Variants in PPP1R3B observed in about 807,000 individuals in gnomAD.
PPP1R3B encodes PP1 subunit R4.
In PPP1R3B, 8 loss-of-function variants were observed where a neutral mutation model predicts 14.6. The ratio of observed to expected loss-of-function variants is 0.55; its 90% CI spans 0.32 to 0.99. PPP1R3B has a LOEUF of 0.99. PPP1R3B is among the 50% of genes least tolerant of loss of function. The probability of loss-of-function intolerance (pLI) is 0.04; values close to 1 mark genes in which losing one functional copy is unlikely to be tolerated. For missense variants in PPP1R3B, 452 were observed against 360.1 expected, an observed-to-expected ratio of 1.26 and a Z score of -2.07; for synonymous variants, 169 against 142.0, an observed-to-expected ratio of 1.19 and a Z score of -1.35.
At position 9,141,622 on chromosome 8, in the gene PPP1R3B, G is replaced by GT; in HGVS notation, c.29dup (p.Tyr10Ter). The GT allele has an allele frequency of 6.2e-7, 1 of 1,613,892 alleles. No homozygotes were observed. Among genetic ancestry groups the GT allele is most frequent in the Non-Finnish European group, 8.5e-7 (1 of 1,179,992 alleles). Reference sequence around the variant, plus strand: ...GGCGCAAGGAAGGAGCCATGCAGTTGTATCTGTACTCGATGTCCACAGCCA... The same window carrying GT: ...GGCGCAAGGAAGGAGCCATGCAGTTGTTATCTGTACTCGATGTCCACAGCCA... MMAVDIEYR[Y>*]NCMAPSLRQE... The change falls in exon 2 of 2, where the codon TAC becomes TAAC. Residue 10 changes from tyrosine (Y) to a stop codon, truncating the protein, a stop_gained and frameshift_variant. Transcript: ENST00000310455. LOFTEE classifies it high-confidence loss of function.
chr8:9,149,277 G>GATCA, intron 1 of PPP1R3B, among the ~76,000 whole-genome samples: 1 of 150,460 alleles, frequency 6.6e-6, no homozygotes, highest in Middle Eastern at 3.5e-3. Flanking sequence ...GAGGCGGGCA[G>GATCA]ATCACGAGGT....
intron 1 of PPP1R3B, among the ~76,000 whole-genome samples, chr8:9,146,221 C>T (rs558191461): frequency 3.3e-5 from 5 of 152,180 alleles, no homozygotes; most frequent in East Asian, 3.9e-4. Context: ...AAATGAGTGC[C>T]GAAACTAGGA....
intron 1 of PPP1R3B, among the ~76,000 whole-genome samples, chr8:9,147,678 C>G (rs1391715564): frequency 2.0e-5 from 3 of 151,914 alleles, no homozygotes; most frequent in African/African-American, 7.3e-5. Context: ...TTCACTGTTT[C>G]ACCCCAGTGG....
chr8:9,142,984 T>G (rs1484519119), intron 1 of PPP1R3B, among the ~76,000 whole-genome samples: 2 of 152,176 alleles, frequency 1.3e-5, no homozygotes, highest in Non-Finnish European at 2.9e-5. Flanking sequence ...TACAGATAAC[T>G]CTCCGATACA....
chr8:9,144,749 T>G (rs922617196), intron 1 of PPP1R3B, among the ~76,000 whole-genome samples: 2 of 152,034 alleles, frequency 1.3e-5, no homozygotes, highest in Admixed American at 1.3e-4. Context: ...ACTGTTGTTA[T>G]TTTTTCCTTT....
In PPP1R3B at chr8:9,140,597, G is replaced by A. The variant is rs900140125; in HGVS notation, c.*197C>T. ...GCGCCAGCCACCACTGCTCCTTTGAGTGAGACACTGGTTGTGTAATCTGAA... is the reference window on the plus strand; with the variant it reads ...GCGCCAGCCACCACTGCTCCTTTGAATGAGACACTGGTTGTGTAATCTGAA... On this transcript the variant is annotated 3_prime_UTR_variant, in exon 2 of 2. Coordinates refer to ENST00000310455, the MANE Select transcript of PPP1R3B (RefSeq NM_024607.4). 8.7e-5 allele frequency: 55 copies of A among 628,640 alleles called. No homozygotes were observed. Among genetic ancestry groups the A allele is most frequent in the Non-Finnish European group, 1.4e-4 (53 of 370,342 alleles). 38.9% of individuals were successfully genotyped at this position (628,640 alleles called of 1,614,324 possible).
chr8:9,150,058 C>T (rs750628860), intron 1 of PPP1R3B, among the ~76,000 whole-genome samples: 3 of 152,148 alleles, frequency 2.0e-5, no homozygotes, highest in Non-Finnish European at 4.4e-5. Flanking sequence ...ACTTTTTTTC[C>T]TAAATACCTC....
Position 9,141,604 on chromosome 8 carries a change from G to A in PPP1R3B, c.48C>T (p.Ser16=), listed in dbSNP as rs1313720734. The A allele has an allele frequency of 3.1e-6, 5 of 1,614,058 alleles. No homozygotes were observed. In the South Asian group the frequency reaches 5.5e-5, roughly 18 times the overall value. ...TAAAGGCAAACCTCTCTTGGCGCAA[G>A]GAAGGAGCCATGCAGTTGTATCTGT... ...IEYRYNCMAP[S]LRQERFAFKI... The change falls in exon 2 of 2, where the codon TCC becomes TCT. Residue 16 remains serine (S), a synonymous_variant. Coordinates refer to ENST00000310455, the MANE Select transcript of PPP1R3B (RefSeq NM_024607.4).
intron 1 of PPP1R3B, among the ~76,000 whole-genome samples, chr8:9,149,946 G>A (rs1051210170): frequency 6.6e-6 from 1 of 152,230 alleles, no homozygotes; most frequent in Non-Finnish European, 1.5e-5. Context: ...CTACTTGAGC[G>A]AGTCACTCAG....
chr8:9,140,932 G>A lies in PPP1R3B; in HGVS notation c.720C>T (p.Thr240=). The A allele has an allele frequency of 1.2e-6, 2 of 1,614,126 alleles. No homozygotes were observed. Among genetic ancestry groups the A allele is most frequent in the South Asian group, 1.1e-5 (1 of 91,078 alleles). The stretch of plus-strand genomic sequence containing the variant: ...CACTGTGGGGCTTGGTCATTCCCTG[G>A]GTAGATTTTAACTCAGCCCGGATGA... ...YRIIRAELKS[T]QGMTKPHSGP... The change falls in exon 2 of 2, where the codon ACC becomes ACT. Residue 240 remains threonine, a synonymous_variant. Coordinates refer to ENST00000310455, the MANE Select transcript of PPP1R3B (RefSeq NM_024607.4).
In PPP1R3B at chr8:9,140,733, C is replaced by A; in HGVS notation, c.*61G>T. Reference sequence around the variant, plus strand: ...CCTCCCTGGCCTTCCATCTCCACTGCACAGTGAGCAGAGCTAGGCTTGTCT... The same window carrying A: ...CCTCCCTGGCCTTCCATCTCCACTGAACAGTGAGCAGAGCTAGGCTTGTCT... On this transcript the variant is annotated 3_prime_UTR_variant, in exon 2 of 2. Coordinates refer to ENST00000310455, the MANE Select transcript of PPP1R3B (RefSeq NM_024607.4). 6.4e-7 allele frequency: 1 copy of A among 1,574,320 alleles called. No homozygotes were observed. Among genetic ancestry groups the A allele is most frequent in the Non-Finnish European group, 8.6e-7 (1 of 1,156,092 alleles).
chr8:9,141,909 CAAA>C (rs918167497), intron 1 of PPP1R3B: 5 of 408,264 alleles, frequency 1.2e-5, no homozygotes, highest in African/African-American at 9.8e-5. Context: ...TTAAAACAAA[CAAA>C]AGAGTATGAA....
chr8:9,140,901 C>A lies in PPP1R3B; in HGVS notation c.751G>T (p.Asp251Tyr), dbSNP rs1334419981. The change falls in exon 2 of 2, where the codon GAT becomes TAT. Residue 251 changes from aspartate (D) to tyrosine (Y), a missense_variant. By Grantham distance (160) the Asp-to-Tyr change is radical. Coordinates refer to ENST00000310455, the MANE Select transcript of PPP1R3B (RefSeq NM_024607.4). ...AACTGGTCAAAGGATATTCCCAAAT[C>A]CGGTCCACTGTGGGGCTTGGTCATT... ...QGMTKPHSGPDLGISFDQFGS... is the reference protein window; with the variant it reads ...QGMTKPHSGPYLGISFDQFGS... The A allele has an allele frequency of 3.1e-6, 5 of 1,614,126 alleles. No individual in the cohort carries two copies. Among genetic ancestry groups the A allele is most frequent in the Middle Eastern group, 1.6e-4 (1 of 6,084 alleles).
rs757046691 is a variant in PPP1R3B, at chr8:9,141,594, CT to C, written c.57del (p.Glu20ArgfsTer15). 2 of 1,614,078 alleles carry C rather than the reference CT, an allele frequency of 1.2e-6. No homozygotes were observed. The highest frequency in any genetic ancestry group is 3.3e-5 in the Admixed American group (2 of 60,008). ...GGTGAGATCTTAAAGGCAAACCTCTCTTGGCGCAAGGAAGGAGCCATGCAGT... is the reference window on the plus strand; with the variant it reads ...GGTGAGATCTTAAAGGCAAACCTCTCTGGCGCAAGGAAGGAGCCATGCAGT... ...RYNCMAPSLR[Q>X]ERFAFKISPK... On this transcript the variant is annotated frameshift_variant, in exon 2 of 2. Coordinates refer to ENST00000310455, the MANE Select transcript of PPP1R3B (RefSeq NM_024607.4). LOFTEE classifies it high-confidence loss of function.
At chr8:9,150,090 C>T (rs1239855269) in intron 1 of PPP1R3B, among the ~76,000 whole-genome samples, 3 of 152,124 alleles carry the variant, frequency 2.0e-5, no homozygotes, top group Admixed American at 6.5e-5. Flanking sequence ...TGTGTAAGTC[C>T]TCCAGCTGTC....
chr8:9,147,529 C>T lies in PPP1R3B; in HGVS notation c.-18+3034G>A, dbSNP rs148159813. ...GCTTTTTCTGCATGTTAGGAAAAGC[C>T]TTGGAAACTCTCAAGATATTGTGGA... On this transcript the variant is annotated intron_variant, in intron 1 of 1. Coordinates refer to ENST00000310455, the MANE Select transcript of PPP1R3B (RefSeq NM_024607.4). Among the ~76,000 whole-genome samples, 52 of 152,058 alleles carry T rather than the reference C, an allele frequency of 3.4e-4. No homozygotes were observed. In the East Asian group the frequency reaches 0.01, roughly 30 times the overall value.
chr8:9,143,122 C>T (rs1373113416), intron 1 of PPP1R3B, among the ~76,000 whole-genome samples: 1 of 152,180 alleles, frequency 6.6e-6, no homozygotes. Flanking sequence ...TACATTCCCA[C>T]CAGCAGGAGA....
At chr8:9,151,260 C>G (rs1197799299), upstream of PPP1R3B, 1 of 152,986 alleles carries the variant, frequency 6.5e-6, no homozygotes, top group East Asian at 1.9e-4. Flanking sequence ...ATGTAGGTGA[C>G]AGGAACCCAA....
chr8:9,146,787 A>C (rs1292534195), intron 1 of PPP1R3B, among the ~76,000 whole-genome samples: 1 of 152,118 alleles, frequency 6.6e-6, no homozygotes, highest in Non-Finnish European at 1.5e-5. Flanking sequence ...TGTTCTGGAA[A>C]GGAAAGTTCT....
Sources: gnomAD v4.1 joint callset for allele counts (sites outside exome capture counted in the v4.1 genomes callset) on GRCh38, gnomAD v4.1.1 for gene constraint, MANE v1.5 for transcripts, NCBI Gene and HGNC (gene_info 2026-07-23, HGNC 2026-07-21) for gene names.